The following KIF9 variants were observed in gnomAD, a reference collection of about 807,000 sequenced individuals.
KIF9 encodes the protein kinesin family member 9, also known as kinesin-like protein KIF9.
Under a neutral mutation model 94.8 loss-of-function variants are expected in KIF9, and 68 were observed. The observed-to-expected ratio is 0.72, with a 90% CI of 0.59 to 0.88. KIF9 has a LOEUF of 0.88. KIF9 is among the 40% of genes least tolerant of loss of function. The pLI, the probability that KIF9 is intolerant of heterozygous loss-of-function variation, is 0.00. For missense variants in KIF9, 882 were observed against 982.5 expected (o/e 0.90, Z 1.37); for synonymous variants, 343 against 362.1 (o/e 0.95, Z 0.60).
intron 9 of KIF9, among the ~76,000 whole-genome samples, chr3:47,261,541 A>G (rs543693615): frequency 7.9e-4 from 120 of 152,294 alleles, no homozygotes; most frequent in African/African-American, 2.9e-3. Context: ...GGGCTGTCTC[A>G]TCTCTCAATG....
At chr3:47,230,530 C>T (rs919042046) in intron 20 of KIF9, among the ~76,000 whole-genome samples, 6 of 150,200 alleles carry the variant, frequency 4.0e-5, no homozygotes, top group East Asian at 2.0e-4. Flanking sequence ...GTCGGGAGTT[C>T]GAGACCAGCC....
chr3:47,259,705 CAG>C, intron 9 of KIF9, among the ~76,000 whole-genome samples: 1 of 148,920 alleles, frequency 6.7e-6, no homozygotes, highest in Middle Eastern at 3.4e-3. Context: ...TGTGTCAACT[CAG>C]AGTTAAATGG....
Position 47,245,429 on chromosome 3 carries a change from T to G in KIF9, c.1372A>C (p.Ile458Leu), listed in dbSNP as rs760631618. The G allele has an allele frequency of 1.2e-6, 2 of 1,613,466 alleles. No individual in the cohort carries two copies. Among genetic ancestry groups the G allele is most frequent in the Non-Finnish European group, 8.5e-7 (1 of 1,179,390 alleles). ...DRNDFAAISA[I>L]QKAGLVDVDG... ...GTAGCAACTATGCTTACCTTCTGGATAGCAGAAATGGCTGCAAAGTCATTC... is the reference window on the plus strand; with the variant it reads ...GTAGCAACTATGCTTACCTTCTGGAGAGCAGAAATGGCTGCAAAGTCATTC... Residue 458 changes from isoleucine (I) to leucine (L), a missense_variant, in exon 14 of 21, where the codon ATC (isoleucine) becomes CTC (leucine). Ile to Leu is a conservative substitution (Grantham distance 5, BLOSUM62 2). Coordinates refer to ENST00000684063, the MANE Select transcript of KIF9 (RefSeq NM_182902.4).
chr3:47,253,737 G>A (rs1700409788), intron 10 of KIF9, among the ~76,000 whole-genome samples: 1 of 152,104 alleles, frequency 6.6e-6, no homozygotes, highest in Admixed American at 6.6e-5. Flanking sequence ...ATCCATGCAG[G>A]TAGCTCTAGC....
intron 10 of KIF9, among the ~76,000 whole-genome samples, chr3:47,249,985 G>T (rs1482482719): frequency 6.6e-6 from 1 of 151,868 alleles, no homozygotes; most frequent in Non-Finnish European, 1.5e-5. Context: ...GGAGACAGAG[G>T]TTGCAGTAAG....
At chr3:47,274,845 G>T (rs1320520435) in intron 3 of KIF9, among the ~76,000 whole-genome samples, 1 of 152,190 alleles carries the variant, frequency 6.6e-6, no homozygotes, top group Non-Finnish European at 1.5e-5. Flanking sequence ...ACCTAAACTT[G>T]CAAAACAGGG....
chr3:47,256,656 T>C (rs562245912), intron 10 of KIF9, among the ~76,000 whole-genome samples: 5 of 152,232 alleles, frequency 3.3e-5, no homozygotes, highest in African/African-American at 9.6e-5. Context: ...CAGCGGCTCA[T>C]TGGGAACGGG....
In KIF9 at chr3:47,247,304, C is replaced by T. The variant is rs531050571; in HGVS notation, c.1233+69G>A. 5.0e-5 allele frequency: 50 copies of T among 1,009,752 alleles called. 1 individual carries two copies. The South Asian group carries it at 5.7e-4, about 11-fold the overall frequency. The allele number at this position is 1,009,752 out of a possible 1,614,324, so 62.5% of individuals were successfully genotyped here. ...GAGGCTCTGAGGCCAGCAGAGCATGCGTTGGGGTGTGCCCAGGACTGGGAG... is the reference window on the plus strand; with the variant it reads ...GAGGCTCTGAGGCCAGCAGAGCATGTGTTGGGGTGTGCCCAGGACTGGGAG... On this transcript the variant is annotated intron_variant, in intron 12 of 20. Transcript: ENST00000684063.
At chr3:47,242,847 G>T in intron 16 of KIF9, 2 of 421,080 alleles carry the variant, frequency 4.7e-6, no homozygotes, top group African/African-American at 2.0e-5. Context: ...ATGATTCCAT[G>T]TTTAATTGTG....
chr3:47,244,718 A>G, intron 15 of KIF9, 73 bp downstream of exon 15: 1 of 1,541,840 alleles, frequency 6.5e-7, no homozygotes, highest in Non-Finnish European at 8.9e-7. Context: ...GAAAGTGGGA[A>G]CAGTGCACAT....
Position 47,246,211 on chromosome 3 carries a change from G to A in KIF9, c.1275C>T (p.Phe425=). The A allele has an allele frequency of 1.9e-6, 3 of 1,613,658 alleles. No homozygotes were observed. Among genetic ancestry groups the A allele is most frequent in the South Asian group, 2.2e-5 (2 of 90,960 alleles). ...GGGTCTCTCACCTCAGAACCACCCG[G>A]AACTGGTTGAACACCTCCTTGATCT... The part of the protein sequence containing the change: ...LRQIKEVFNQ[F]RVVLSQQEQE... Residue 425 remains phenylalanine, a synonymous_variant, in exon 13 of 21, where the codon TTC becomes TTT. Coordinates refer to ENST00000684063, the MANE Select transcript of KIF9 (RefSeq NM_182902.4).
At chr3:47,240,211 C>T (rs1313610981) in intron 17 of KIF9, 4 of 233,906 alleles carry the variant, frequency 1.7e-5, no homozygotes, top group East Asian at 1.0e-4. Context: ...ACCCTCCCCA[C>T]GTTGGGGTTC....
intron 17 of KIF9, chr3:47,239,746 C>A (rs1699327001): frequency 2.3e-6 from 3 of 1,310,788 alleles, no homozygotes; most frequent in African/African-American, 1.5e-5. Context: ...TGCCACCACG[C>A]CCTGCTCCTC....
chr3:47,238,225 G>A (rs987682270), intron 17 of KIF9, among the ~76,000 whole-genome samples: 1 of 152,064 alleles, frequency 6.6e-6, no homozygotes, highest in Non-Finnish European at 1.5e-5. Context: ...GAGATTGATT[G>A]ATTGATTGAT....
At chr3:47,235,969 T>C in intron 19 of KIF9, 65 bp downstream of exon 19, 1 of 1,211,638 alleles carries the variant, frequency 8.3e-7, no homozygotes, top group Non-Finnish European at 1.2e-6. Context: ...AGAACAGACA[T>C]CAAGGGGCAC....
chr3:47,279,024 G>C (rs1445577924), intron 1 of KIF9, among the ~76,000 whole-genome samples: 5 of 151,848 alleles, frequency 3.3e-5, no homozygotes, highest in Non-Finnish European at 2.9e-5. Flanking sequence ...ACCAAGCATG[G>C]TGGTGCATGC....
At chr3:47,230,128 A>T (rs1698448703) in intron 20 of KIF9, among the ~76,000 whole-genome samples, 1 of 152,194 alleles carries the variant, frequency 6.6e-6, no homozygotes, top group Non-Finnish European at 1.5e-5. Flanking sequence ...ATTTAAAATA[A>T]CTATCTGGGC....
At chr3:47,243,337 T>C (rs1324435548) in intron 15 of KIF9, 92 bp from the exon 16 acceptor site, 2 of 1,054,732 alleles carry the variant, frequency 1.9e-6, no homozygotes, top group Admixed American at 2.8e-5. Flanking sequence ...CTGACTACAC[T>C]GGGAACCCCA....
chr3:47,251,667 T>A (rs1700280399), intron 10 of KIF9, among the ~76,000 whole-genome samples: 1 of 152,174 alleles, frequency 6.6e-6, no homozygotes, highest in African/African-American at 2.4e-5. Flanking sequence ...TCATTATAAA[T>A]GTAATGAGGA....
Sources: gnomAD v4.1 joint callset for allele counts (sites outside exome capture counted in the v4.1 genomes callset) on GRCh38, gnomAD v4.1.1 for gene constraint, MANE v1.5 for transcripts, NCBI Gene and HGNC (gene_info 2026-07-23, HGNC 2026-07-21) for gene names.